Variants in ASB5 observed in about 807,000 individuals in gnomAD.
The protein encoded by ASB5 is ankyrin repeat and SOCS box protein 5.
A neutral mutation model predicts 42.1 loss-of-function variants in ASB5; 45 were observed. The observed-to-expected ratio is 1.07, with a 90% confidence interval of 0.84 to 1.37. ASB5 has a LOEUF of 1.37. ASB5 is among the 40% of genes most tolerant of loss of function. The pLI is 0.00. For synonymous variants in ASB5, 147 were observed against 150.6 expected (o/e 0.98, Z 0.18); for missense variants, 402 against 399.8 (o/e 1.01, Z -0.05).
intron 1 of ASB5, among the ~76,000 whole-genome samples, chr4:176,246,315 A>C (rs1753911291): frequency 6.6e-6 from 1 of 152,240 alleles, no homozygotes; most frequent in Non-Finnish European, 1.5e-5. Flanking sequence ...TTCTGAGGCA[A>C]TCTTCTATAA....
chr4:176,221,374 T>C lies in ASB5; in HGVS notation c.535+76A>G, dbSNP rs116013117. 1.1e-3 allele frequency: 1,709 copies of C among 1,596,836 alleles called. 12 individuals are homozygous for C. The African/African-American group carries it at 0.018, about 17-fold the overall frequency. ...CAGGCTTCCCTTGTGGTGTCATTCA[T>C]TGAAAGATCAACAGAGCACTGCAGG... is the stretch of plus-strand genomic sequence containing the variant. On this transcript the variant is annotated intron_variant, in intron 4 of 6. Transcript: ENST00000296525.
intron 1 of ASB5, among the ~76,000 whole-genome samples, chr4:176,267,749 C>T (rs1171041810): frequency 6.6e-6 from 1 of 152,098 alleles, no homozygotes; most frequent in Non-Finnish European, 1.5e-5. Context: ...AAATTTTCCT[C>T]ATTTTGAATA....
intron 1 of ASB5, among the ~76,000 whole-genome samples, chr4:176,236,322 A>G (rs896335098): frequency 2.6e-5 from 4 of 152,208 alleles, no homozygotes; most frequent in South Asian, 4.1e-4. Flanking sequence ...TTTAAGGACC[A>G]TGAAATGATG....
chr4:176,227,543 A>G (rs1277070624), intron 1 of ASB5, among the ~76,000 whole-genome samples: 1 of 152,210 alleles, frequency 6.6e-6, no homozygotes, highest in African/African-American at 2.4e-5. Context: ...AGTCCTCACC[A>G]TATGCCCATG....
rs540790718 is a variant in ASB5, at chr4:176,217,618, C to A, written c.671-609G>T. On this transcript the variant is annotated intron_variant, in intron 5 of 6. Coordinates refer to ENST00000296525, the MANE Select transcript of ASB5 (RefSeq NM_080874.4). ...TCAAAAGGCACATTGATGATATCTG[C>A]ATGAAAGGAAAGCTTTTAAAAATGC... Among the ~76,000 whole-genome samples the A allele has an allele frequency of 4.6e-5, 7 of 152,058 alleles. No individual in the cohort carries two copies. In the East Asian group the frequency reaches 1.3e-3, roughly 29 times the overall value.
In ASB5 at chr4:176,214,439, C is replaced by A. The variant is rs1184738076; in HGVS notation, c.*1161G>T. 2 of 152,016 alleles carry A rather than the reference C, an allele frequency of 1.3e-5. No individual in the cohort carries two copies. The highest frequency in any genetic ancestry group is 4.8e-5 in the African/African-American group (2 of 41,408). 9.4% of individuals were successfully genotyped at this position (152,016 alleles called of 1,614,324 possible). A position where few individuals can be genotyped will look rare whatever the true frequency, so the allele number is the denominator to read the frequency against. On this transcript the variant is annotated 3_prime_UTR_variant, in exon 7 of 7. Transcript: ENST00000296525. ...ATTTTATTAAGTTTTTTATTGCACT[C>A]AAGTATAGTTAAAGCTGAAGAGAAT...
intron 1 of ASB5, among the ~76,000 whole-genome samples, chr4:176,257,585 T>C (rs1462845884): frequency 6.6e-6 from 1 of 152,158 alleles, no homozygotes; most frequent in Non-Finnish European, 1.5e-5. Context: ...AAACATACCT[T>C]GAGTCTTAAA....
chr4:176,244,675 C>G (rs763705094), intron 1 of ASB5, among the ~76,000 whole-genome samples: 4 of 151,972 alleles, frequency 2.6e-5, no homozygotes, highest in Non-Finnish European at 4.4e-5. Context: ...TTTTGAAGAC[C>G]GAGGAGGTGG....
intron 1 of ASB5, among the ~76,000 whole-genome samples, chr4:176,234,421 T>C (rs953392951): frequency 6.6e-6 from 1 of 152,206 alleles, no homozygotes; most frequent in Non-Finnish European, 1.5e-5. Flanking sequence ...TTTAGTGCTC[T>C]CTGAAATATC....
Position 176,215,449 on chromosome 4 carries a change from C to T in ASB5, c.*151G>A, listed in dbSNP as rs762708215. On this transcript the variant is annotated 3_prime_UTR_variant, in exon 7 of 7. Transcript: ENST00000296525. ...AAATGATAAAACAATAGTACTAATA[C>T]ACTTAAAATGAAAATTGATATTTTA... is the stretch of plus-strand genomic sequence containing the variant. The T allele has an allele frequency of 9.1e-5, 64 of 703,116 alleles. 1 individual carries two copies. The Middle Eastern group carries it at 1.2e-3, about 13-fold the overall frequency. The allele number at this position is 703,116 out of a possible 1,614,324, so 43.6% of individuals were successfully genotyped here.
chr4:176,255,639 A>G (rs1427792604), intron 1 of ASB5, among the ~76,000 whole-genome samples: 1 of 152,224 alleles, frequency 6.6e-6, no homozygotes, highest in Non-Finnish European at 1.5e-5. Context: ...GTTGTCACTT[A>G]TAAGTGGGAG....
At chr4:176,221,338 A>G in intron 4 of ASB5, 49 bp from the exon 5 acceptor site, 3 of 1,605,870 alleles carry the variant, frequency 1.9e-6, no homozygotes, top group Non-Finnish European at 2.6e-6. Context: ...TCCACCCCAC[A>G]CACCTCACCC....
intron 1 of ASB5, among the ~76,000 whole-genome samples, chr4:176,266,765 G>T (rs1347027882): frequency 2.0e-5 from 3 of 151,974 alleles, no homozygotes; most frequent in Admixed American, 2.0e-4. Flanking sequence ...AACAAAATTT[G>T]TAAAAACTTT....
In ASB5 at chr4:176,225,355, A is replaced by G; in HGVS notation, c.197-14T>C. The G allele has an allele frequency of 6.2e-7, 1 of 1,608,850 alleles. No homozygotes were observed. ...CTGCCCAGGAACCTGTCAAAAAAGA[A>G]AAAAAGAAAGAAAAGAAAACAAAAA... On this transcript the variant is annotated splice_polypyrimidine_tract_variant and intron_variant, in intron 1 of 6. Transcript: ENST00000296525.
chr4:176,251,868 C>T (rs1407027643), intron 1 of ASB5, among the ~76,000 whole-genome samples: 1 of 151,074 alleles, frequency 6.6e-6, no homozygotes, highest in African/African-American at 2.4e-5. Flanking sequence ...TCGAGACCAC[C>T]CTGGGCAAGC....
At chr4:176,231,263 A>G (rs1243451979) in intron 1 of ASB5, among the ~76,000 whole-genome samples, 1 of 151,552 alleles carries the variant, frequency 6.6e-6, no homozygotes, top group African/African-American at 2.4e-5. Context: ...AGAAAAAATC[A>G]CTTGTCATTT....
intron 1 of ASB5, chr4:176,241,383 A>G (rs1753807804): frequency 2.5e-6 from 3 of 1,177,946 alleles, no homozygotes; most frequent in Admixed American, 5.9e-5. Flanking sequence ...TTACTCCAAA[A>G]TTACTATTAA....
In ASB5 at chr4:176,221,418, T is replaced by C. The variant is rs374709990; in HGVS notation, c.535+32A>G. On this transcript the variant is annotated intron_variant, in intron 4 of 6. Coordinates refer to ENST00000296525, the MANE Select transcript of ASB5 (RefSeq NM_080874.4). The stretch of plus-strand genomic sequence containing the variant: ...CTGCAGGTTGCTAAAGAAACTTTCT[T>C]CCCTTGTCACTTAATCCCAGAACTA... 11 of 1,606,654 alleles carry C rather than the reference T, an allele frequency of 6.8e-6. No homozygotes were observed. In the African/African-American group the frequency reaches 9.4e-5, roughly 14 times the overall value.
In ASB5 at chr4:176,219,575, GATAT is replaced by G. The variant is rs71597433; in HGVS notation, c.670+1576_670+1579del. On this transcript the variant is annotated intron_variant, in intron 5 of 6. Coordinates refer to ENST00000296525, the MANE Select transcript of ASB5 (RefSeq NM_080874.4). Reference sequence around the variant, plus strand: ...TATATAAATATGTATATATTTGTATGATATATATATATATATATATATATATATA... The same window carrying G: ...TATATAAATATGTATATATTTGTATGATATATATATATATATATATATATA... 5.2e-3 allele frequency among the ~76,000 whole-genome samples: 31 copies of G among 6,004 alleles called. 3 individuals carry two copies. Among genetic ancestry groups the G allele is most frequent in the African/African-American group, 0.018 (29 of 1,636 alleles). 3.9% of individuals were successfully genotyped at this position (6,004 alleles called of 152,430 possible).
Sources: allele counts gnomAD v4.1 joint callset (sites outside exome capture counted in the v4.1 genomes callset), GRCh38; gene constraint gnomAD v4.1.1; transcripts MANE v1.5; gene names NCBI Gene and HGNC (gene_info 2026-07-23, HGNC 2026-07-21).